Variants in CNTNAP2 observed in about 807,000 individuals in gnomAD.
CNTNAP2 encodes the protein contactin associated protein 2.
A neutral mutation model predicts 155.2 loss-of-function variants in CNTNAP2; 98 were observed. The observed-to-expected ratio is 0.63, with a 90% CI of 0.54 to 0.75. The LOEUF (loss-of-function observed/expected upper bound fraction) is 0.75. Ranked by LOEUF, CNTNAP2 falls within the 30% of genes least tolerant of loss-of-function variation. The probability of loss-of-function intolerance (pLI) is 0.00; values close to 1 mark genes in which losing one functional copy is unlikely to be tolerated. For missense variants in CNTNAP2, 1,727 were observed against 1,688.1 expected, an observed-to-expected ratio of 1.02 and a Z score of -0.40; for synonymous variants, 651 against 631.2, an observed-to-expected ratio of 1.03 and a Z score of -0.47.
chr7:148,351,208 G>A (rs1798418298), intron 21 of CNTNAP2, among the ~76,000 whole-genome samples: 4 of 152,174 alleles, frequency 2.6e-5, no homozygotes. Context: ...GGAAGACCAT[G>A]AGTGGAGGTA....
intron 15 of CNTNAP2, among the ~76,000 whole-genome samples, chr7:148,103,078 T>C (rs1563200396): frequency 6.6e-6 from 1 of 152,198 alleles, no homozygotes; most frequent in Non-Finnish European, 1.5e-5. Context: ...TTGCATTCTT[T>C]TGAGTTTCTG....
intron 1 of CNTNAP2, among the ~76,000 whole-genome samples, chr7:146,183,520 C>T (rs1488207968): frequency 6.6e-6 from 1 of 151,852 alleles, no homozygotes; most frequent in Non-Finnish European, 1.5e-5. Context: ...CCAACTGTGA[C>T]TAAAGGGCTC....
intron 3 of CNTNAP2, among the ~76,000 whole-genome samples, chr7:146,938,443 A>G (rs866224843): frequency 8.0e-5 from 12 of 150,482 alleles, no homozygotes; most frequent in African/African-American, 1.5e-4. Flanking sequence ...ACATGTGTGT[A>G]TACATATGTA....
chr7:146,741,752 A>G (rs1801720219), intron 1 of CNTNAP2, among the ~76,000 whole-genome samples: 1 of 152,206 alleles, frequency 6.6e-6, no homozygotes, highest in Non-Finnish European at 1.5e-5. Flanking sequence ...AGATTTGAAT[A>G]TTGCATGAGG....
intron 14 of CNTNAP2, among the ~76,000 whole-genome samples, chr7:147,925,284 G>GTGCGCA (rs1554450434): frequency 4.2e-5 from 1 of 23,982 alleles, no homozygotes; most frequent in Non-Finnish European, 8.1e-5. Flanking sequence ...ACACACACAA[G>GTGCGCA]CGCGCGCGCA....
chr7:146,645,933 G>C (rs896025733), intron 1 of CNTNAP2, among the ~76,000 whole-genome samples: 2 of 152,068 alleles, frequency 1.3e-5, no homozygotes, highest in African/African-American at 4.8e-5. Flanking sequence ...TGAGCTCTCT[G>C]AACTATATTT....
rs928980751 is a variant in CNTNAP2, at chr7:147,011,021, G to A, written c.403-32886G>A. 5.3e-5 allele frequency among the ~76,000 whole-genome samples: 8 copies of A among 151,946 alleles called. No individual in the cohort carries two copies. In the East Asian group the frequency reaches 5.8e-4, roughly 11 times the overall value. On this transcript the variant is annotated intron_variant, in intron 3 of 23. Coordinates refer to ENST00000361727, the MANE Select transcript of CNTNAP2 (RefSeq NM_014141.6). ...CCCCATCTGAGGAAGCTTCACCACC[G>A]TGTATTTCTGCCAAAATACCTACCC...
intron 8 of CNTNAP2, among the ~76,000 whole-genome samples, chr7:147,282,437 G>A (rs1459556254): frequency 6.6e-6 from 1 of 151,940 alleles, no homozygotes; most frequent in Non-Finnish European, 1.5e-5. Flanking sequence ...GCAGAGTGAA[G>A]ATTGAGAATC....
At chr7:147,826,711 G>A (rs548344447) in intron 13 of CNTNAP2, among the ~76,000 whole-genome samples, 2 of 152,030 alleles carry the variant, frequency 1.3e-5, no homozygotes, top group South Asian at 2.1e-4. Flanking sequence ...GATAGAGAAC[G>A]CTGGGATAAA....
chr7:146,793,717 A>T (rs1364884770), intron 2 of CNTNAP2, among the ~76,000 whole-genome samples: 1 of 152,210 alleles, frequency 6.6e-6, no homozygotes, highest in Non-Finnish European at 1.5e-5. Flanking sequence ...CACTAGCTCC[A>T]GCCTTTGGGC....
chr7:147,636,559 C>T (rs186653171), intron 12 of CNTNAP2, among the ~76,000 whole-genome samples: 11 of 152,240 alleles, frequency 7.2e-5, no homozygotes, highest in Admixed American at 5.2e-4. Flanking sequence ...GCCCTGCATG[C>T]ATCAGGTATT....
chr7:146,451,880 C>CATACGTGTATGTATATATACGTATATAT lies in CNTNAP2; in HGVS notation c.98-322390_98-322389insTACGTGTATGTATATATACGTATATATA, dbSNP rs71175650. On this transcript the variant is annotated intron_variant, in intron 1 of 23. Transcript: ENST00000361727. ...CTATATATATATATACGTATATATA[C>CATACGTGTATGTATATATACGTATATAT]ACATATACATATATTTATTTATTTA... 7.8e-3 allele frequency among the ~76,000 whole-genome samples: 831 copies of CATACGTGTATGTATATATACGTATATAT among 106,206 alleles called. 43 individuals carry two copies. Among genetic ancestry groups the CATACGTGTATGTATATATACGTATATAT allele is most frequent in the African/African-American group, 0.072 (736 of 10,276 alleles). The allele number at this position is 106,206 out of a possible 152,430, so 69.7% of individuals were successfully genotyped here. A position where few individuals can be genotyped will look rare whatever the true frequency, so the allele number is the denominator to read the frequency against.
chr7:148,156,732 G>A (rs934404616), intron 17 of CNTNAP2, among the ~76,000 whole-genome samples: 1 of 152,032 alleles, frequency 6.6e-6, no homozygotes, highest in Non-Finnish European at 1.5e-5. Flanking sequence ...AACAACTCTT[G>A]ATGCCTCCTG....
intron 20 of CNTNAP2, among the ~76,000 whole-genome samples, chr7:148,263,461 G>A (rs911204607): frequency 2.0e-5 from 3 of 151,920 alleles, no homozygotes; most frequent in African/African-American, 2.4e-5. Flanking sequence ...AAAAGTGGCC[G>A]GGTGCGGTGG....
chr7:146,904,621 G>A (rs1286574774), intron 3 of CNTNAP2, among the ~76,000 whole-genome samples: 1 of 151,986 alleles, frequency 6.6e-6, no homozygotes, highest in Non-Finnish European at 1.5e-5. Context: ...ACAGGCACCC[G>A]CCACCACGCC....
intron 15 of CNTNAP2, among the ~76,000 whole-genome samples, chr7:148,005,025 A>T (rs1801950463): frequency 6.6e-6 from 1 of 152,214 alleles, no homozygotes; most frequent in South Asian, 2.1e-4. Flanking sequence ...CCCCATATTC[A>T]CAGTTACAGA....
intron 14 of CNTNAP2, among the ~76,000 whole-genome samples, chr7:147,959,579 G>A (rs1358737017): frequency 6.6e-6 from 1 of 152,128 alleles, no homozygotes; most frequent in Non-Finnish European, 1.5e-5. Flanking sequence ...TAGCAACTCG[G>A]GGCAGTTCTG....
chr7:146,480,674 AT>A (rs760942394), intron 1 of CNTNAP2, among the ~76,000 whole-genome samples: 6,481 of 137,368 alleles, frequency 0.047, 280 homozygotes, highest in African/African-American at 0.11. Flanking sequence ...ATATATATAT[AT>A]TTTTTTTTTT....
At chr7:146,641,026 A>G (rs1430285451) in intron 1 of CNTNAP2, among the ~76,000 whole-genome samples, 1 of 152,134 alleles carries the variant, frequency 6.6e-6, no homozygotes, top group Non-Finnish European at 1.5e-5. Flanking sequence ...ATAGTTTGCA[A>G]TTGAAAAGAG....
Sources: gnomAD v4.1 joint callset for allele counts (sites outside exome capture counted in the v4.1 genomes callset) on GRCh38, gnomAD v4.1.1 for gene constraint, MANE v1.5 for transcripts, NCBI Gene and HGNC (gene_info 2026-07-23, HGNC 2026-07-21) for gene names.